TRIP11: variants seen among roughly 807,000 people sequenced by gnomAD.
TRIP11 encodes the protein thyroid hormone receptor interactor 11, also known as thyroid receptor-interacting protein 11.
In TRIP11, 148 loss-of-function variants were observed where a neutral mutation model predicts 223.1. The ratio of observed to expected loss-of-function variants is 0.66; its 90% CI spans 0.58 to 0.76. The LOEUF is 0.76. Ranked by LOEUF, TRIP11 falls within the 30% of genes least tolerant of loss-of-function variation. The pLI is 0.00. For synonymous variants in TRIP11, 762 were observed against 772.6 expected, an observed-to-expected ratio of 0.99 and a Z score of 0.23; for missense variants, 2,043 against 2,222.0, an observed-to-expected ratio of 0.92 and a Z score of 1.62.
At chr14:92,019,808 C>T (rs192381266) in intron 4 of TRIP11, among the ~76,000 whole-genome samples, 14 of 152,164 alleles carry the variant, frequency 9.2e-5, no homozygotes, top group Admixed American at 5.2e-4. Context: ...AAATATTTAA[C>T]GCAAATTTTG....
chr14:92,007,853 C>T lies in TRIP11; in HGVS notation c.1315-1G>A. On this transcript the variant is annotated splice_acceptor_variant, in intron 9 of 20. Transcript: ENST00000267622. LOFTEE classifies it high-confidence loss of function. ...TTAAAAGTGACATCTGAAGTTCTTCCTGAAATGATAAAAGGAAAAAAGCAA... is the reference window on the plus strand; with the variant it reads ...TTAAAAGTGACATCTGAAGTTCTTCTTGAAATGATAAAAGGAAAAAAGCAA... The T allele has an allele frequency of 6.2e-7, 1 of 1,602,008 alleles. No individual in the cohort carries two copies. Among genetic ancestry groups the T allele is most frequent in the African/African-American group, 1.3e-5 (1 of 74,860 alleles).
chr14:92,001,266 T>C (rs2056822541), intron 11 of TRIP11, among the ~76,000 whole-genome samples: 1 of 152,184 alleles, frequency 6.6e-6, no homozygotes, highest in Admixed American at 6.5e-5. Flanking sequence ...TTTAAGAATA[T>C]GTAATGTATC....
chr14:92,021,559 A>C lies in TRIP11; in HGVS notation c.585T>G (p.Ala195=). ...ESEVGHWRHI[A]QTSKAQGTDN... ...ACTCTAAAAAATTTTTATCTACCTGAGCAATATGCCTCCAATGGCCAACTT... is the reference window on the plus strand; with the variant it reads ...ACTCTAAAAAATTTTTATCTACCTGCGCAATATGCCTCCAATGGCCAACTT... Residue 195 remains alanine, a synonymous_variant, in exon 4 of 21, where the codon GCT becomes GCG. Coordinates refer to ENST00000267622, the MANE Select transcript of TRIP11 (RefSeq NM_004239.4). 6.2e-7 allele frequency: 1 copy of C among 1,614,106 alleles called. No individual in the cohort carries two copies. Among genetic ancestry groups the C allele is most frequent in the Non-Finnish European group, 8.5e-7 (1 of 1,180,018 alleles).
At chr14:92,026,489 G>A (rs1337031913) in intron 2 of TRIP11, 43 of 890,652 alleles carry the variant, frequency 4.8e-5, no homozygotes, top group Middle Eastern at 3.4e-4. Context: ...CGCCGCAGCC[G>A]GCAGCTTTAT....
At position 91,999,263 on chromosome 14, in the gene TRIP11, G is replaced by A; in HGVS notation, c.4869C>T (p.Ser1623=). The A allele has an allele frequency of 6.2e-7, 1 of 1,613,544 alleles. No homozygotes were observed. The highest frequency in any genetic ancestry group is 2.2e-5 in the East Asian group (1 of 44,824). The stretch of plus-strand genomic sequence containing the variant: ...ACCTTGCATTTTCCATTGCATTAGA[G>A]GATGAAACTAGCTTTTCCTCCAATA... ...VTVLEEKLVS[S]SNAMENASHQ... Residue 1623 remains serine, a synonymous_variant, in exon 13 of 21, where the codon TCC becomes TCT. Transcript: ENST00000267622.
In TRIP11 at chr14:92,004,824, T is replaced by C. The variant is rs773239489; in HGVS notation, c.3152A>G (p.Lys1051Arg). Residue 1051 changes from lysine (K) to arginine (R), a missense_variant, in exon 11 of 21, where the codon AAA becomes AGA. Physicochemically the swap from Lys to Arg is conservative, Grantham distance 26 (BLOSUM62 2). Coordinates refer to ENST00000267622, the MANE Select transcript of TRIP11 (RefSeq NM_004239.4). ...CTGAGTTAGTTTACCAACTTCATCTTTGGACAACTGATCAATCTGTTTAGT... is the reference window on the plus strand; with the variant it reads ...CTGAGTTAGTTTACCAACTTCATCTCTGGACAACTGATCAATCTGTTTAGT... ...SLTKQIDQLS[K>R]DEVGKLTQII... 21 of 1,613,976 alleles carry C rather than the reference T, an allele frequency of 1.3e-5. No individual in the cohort carries two copies. The highest frequency in any genetic ancestry group is 3.3e-4 in the Middle Eastern group (2 of 6,082).
At chr14:91,987,650 C>T (rs2056619347) in intron 16 of TRIP11, among the ~76,000 whole-genome samples, 1 of 152,146 alleles carries the variant, frequency 6.6e-6, no homozygotes, top group Admixed American at 6.6e-5. Context: ...TTTTGACTTC[C>T]TGGTTGCCTC....
chr14:92,000,218 C>G (rs201383677), intron 11 of TRIP11, 110 bp from the exon 12 acceptor site: 21 of 1,504,942 alleles, frequency 1.4e-5, no homozygotes, highest in Non-Finnish European at 1.7e-5. Flanking sequence ...AATAGGGCAG[C>G]CTCCCGATTT....
chr14:92,017,831 G>A, intron 4 of TRIP11, 81 bp from the exon 5 acceptor site: 7 of 1,216,618 alleles, frequency 5.8e-6, no homozygotes, highest in Non-Finnish European at 8.3e-6. Flanking sequence ...TTCATTACAA[G>A]AATACTTTTG....
chr14:92,025,509 T>TC (rs771312948), intron 2 of TRIP11, 89 bp from the exon 3 acceptor site: 189 of 777,630 alleles, frequency 2.4e-4, no homozygotes, highest in Admixed American at 2.5e-4. Flanking sequence ...CGTACTGCTT[T>TC]CCCCCCCCAA....
intron 9 of TRIP11, 28 bp from the exon 10 acceptor site, chr14:92,007,880 A>G: frequency 3.2e-6 from 5 of 1,554,640 alleles, no homozygotes; most frequent in Non-Finnish European, 4.4e-6. Context: ...AAAAAGCAAC[A>G]CATACTTTCA....
intron 13 of TRIP11, among the ~76,000 whole-genome samples, chr14:91,998,838 T>G (rs750751432): frequency 8.5e-5 from 13 of 152,304 alleles, no homozygotes; most frequent in Non-Finnish European, 1.9e-4. Context: ...TCCTTTACTC[T>G]CTTCCTGCTA....
rs1419900550 is a variant in TRIP11, at chr14:91,993,835, G to A, written c.5134C>T (p.Leu1712=). 1 of 1,613,564 alleles carries A rather than the reference G, an allele frequency of 6.2e-7. No homozygotes were observed. The highest frequency in any genetic ancestry group is 8.5e-7 in the Non-Finnish European group (1 of 1,179,876). Residue 1712 remains leucine, a synonymous_variant, in exon 15 of 21, where the codon CTG becomes TTG. Transcript: ENST00000267622. ...TGTAATGATATCACTTTTCCTTCCA[G>A]ATTTTCTGCGTTTTTCTTCCATTCA... ...IAEWKKNAEN[L]EGKVISLQEC... is the part of the protein sequence containing the mutation.
intron 15 of TRIP11, among the ~76,000 whole-genome samples, chr14:91,989,184 T>C (rs970073637): frequency 6.6e-6 from 1 of 152,194 alleles, no homozygotes; most frequent in African/African-American, 2.4e-5. Context: ...TTTAACACAG[T>C]GTTTCTTAAT....
intron 4 of TRIP11, among the ~76,000 whole-genome samples, chr14:92,021,298 A>G (rs1334910584): frequency 6.6e-6 from 1 of 151,406 alleles, no homozygotes; most frequent in Non-Finnish European, 1.5e-5. Flanking sequence ...CTGAGGCAGG[A>G]GAATCACTGG....
chr14:91,988,633 T>TAAAAAAAAAAAAAAAAAAGAAAAAAAAA (rs2056634557), intron 15 of TRIP11, among the ~76,000 whole-genome samples: 1 of 99,518 alleles, frequency 1.0e-5, no homozygotes, highest in Non-Finnish European at 2.1e-5. Flanking sequence ...ATGACAGAAG[T>TAAAAAAAAAAAAAAAAAAGAAAAAAAAA]AAAAAAAAAA....
At chr14:92,007,076 A>T (rs146979008) in intron 10 of TRIP11, among the ~76,000 whole-genome samples, 1,537 of 149,698 alleles carry the variant, frequency 0.01, 25 homozygotes, top group African/African-American at 0.035. Flanking sequence ...CCCAGGCTGG[A>T]GTGCAGTGGC....
At position 92,018,397 on chromosome 14, in the gene TRIP11, T is replaced by C. The variant is rs190682833; in HGVS notation, c.589-647A>G. 3.3e-5 allele frequency among the ~76,000 whole-genome samples: 5 copies of C among 152,254 alleles called. 1 individual carries two copies. The highest frequency in any genetic ancestry group is 3.3e-4 in the Admixed American group (5 of 15,276). On this transcript the variant is annotated intron_variant, in intron 4 of 20. Transcript: ENST00000267622. ...AACCACCATGCCTGGCAAAATCAAA[T>C]GATTTTACCCAGAAGATCTCTACCC...
At chr14:92,032,726 G>A (rs753955703) in intron 2 of TRIP11, among the ~76,000 whole-genome samples, 14 of 151,672 alleles carry the variant, frequency 9.2e-5, no homozygotes, top group Non-Finnish European at 1.6e-4. Context: ...CCAGCTACTC[G>A]GGGGGCTGAG....
Sources: allele counts gnomAD v4.1 joint callset (sites outside exome capture counted in the v4.1 genomes callset), GRCh38; gene constraint gnomAD v4.1.1; transcripts MANE v1.5; gene names NCBI Gene and HGNC (gene_info 2026-07-23, HGNC 2026-07-21).